Variants in NUP210 observed in about 807,000 individuals in gnomAD.
The protein encoded by NUP210 is nucleoporin 210.
NUP210 carries 151 observed loss-of-function variants against 196.0 expected under a neutral mutation model. The ratio of observed to expected loss-of-function variants is 0.77; its 90% CI spans 0.67 to 0.88. The LOEUF is 0.88. NUP210 is among the 40% of genes least tolerant of loss of function. NUP210 has a pLI of 0.00. For synonymous variants in NUP210, 1,070 were observed against 1,052.7 expected, an observed-to-expected ratio of 1.02 and a Z score of -0.32; for missense variants, 2,314 against 2,493.7, an observed-to-expected ratio of 0.93 and a Z score of 1.53.
rs369913505 is a variant in NUP210, at chr3:13,364,194, T to C, written c.1932+1752A>G. ...GTTTATGGTCATCTCTACCTCTCTT[T>C]GCCAGAATGTCACTTCATGGGGACA... On this transcript the variant is annotated intron_variant, in intron 14 of 39. Coordinates refer to ENST00000254508, the MANE Select transcript of NUP210 (RefSeq NM_024923.4). 2.8e-4 allele frequency among the ~76,000 whole-genome samples: 43 copies of C among 152,326 alleles called. 4 individuals carry two copies. Among genetic ancestry groups the C allele is most frequent in the South Asian group, 2.5e-3 (12 of 4,818 alleles).
intron 16 of NUP210, 128 bp from the exon 17 acceptor site, chr3:13,354,235 A>G: frequency 2.5e-6 from 2 of 788,022 alleles, no homozygotes; most frequent in East Asian, 2.7e-5. Context: ...GGAATGGGAT[A>G]TGCCAGAAAG....
chr3:13,388,182 G>T, intron 5 of NUP210, 121 bp downstream of exon 5: 1 of 692,350 alleles, frequency 1.4e-6, no homozygotes, highest in Non-Finnish European at 2.3e-6. Context: ...CTGAAATCAC[G>T]GGACAGCATC....
In NUP210 at chr3:13,325,929, G is replaced by C; in HGVS notation, c.4510C>G (p.Leu1504Val). The change falls in exon 33 of 40, where the codon CTC becomes GTC. Residue 1504 changes from leucine to valine, a missense_variant and splice_region_variant. By Grantham distance (32) the Leu-to-Val change is conservative. Coordinates refer to ENST00000254508, the MANE Select transcript of NUP210 (RefSeq NM_024923.4). ...LATVLTSLEG[L>V]SGTWSSSANS... The stretch of plus-strand genomic sequence containing the variant: ...GCCGAGGAGCTCCAGGTTCCTGAGA[G>C]GCCTGGAGAGGAAGCACAGGTGTCA... 6.2e-7 allele frequency: 1 copy of C among 1,613,902 alleles called. No individual in the cohort carries two copies. The highest frequency in any genetic ancestry group is 8.5e-7 in the Non-Finnish European group (1 of 1,179,982).
rs138477497 is a variant in NUP210 at position 13,319,971 on chromosome 3, G to A, written c.5175C>T (p.Ser1725=). ...CGAATGCCAGCACGGCCGGGGACCC[G>A]GATTTCACCTGGAAGAGACATCAGA... ...PEVLENLEVK[S]GSPAVLAFAK... The change falls in exon 37 of 40, where the codon TCC becomes TCT. Residue 1725 remains serine, a synonymous_variant. Coordinates refer to ENST00000254508, the MANE Select transcript of NUP210 (RefSeq NM_024923.4). 5.1e-5 allele frequency: 82 copies of A among 1,613,470 alleles called. 1 individual carries two copies. The Admixed American group carries it at 1.1e-3, about 21-fold the overall frequency.
rs1698880585 is a variant in NUP210 at position 13,375,696 on chromosome 3, T to C, written c.1294-55A>G. On this transcript the variant is annotated intron_variant, in intron 10 of 39. Coordinates refer to ENST00000254508, the MANE Select transcript of NUP210 (RefSeq NM_024923.4). ...CATGACAACCATGTCATCATCAGTC[T>C]TTCCCAGTCACCGGACCCCCACCCC... is the stretch of plus-strand genomic sequence containing the variant. 3.2e-6 allele frequency: 5 copies of C among 1,575,202 alleles called. No homozygotes were observed. The Admixed American group carries it at 5.2e-5, about 16-fold the overall frequency.
rs9823775 is a variant in NUP210 at position 13,386,468 on chromosome 3, G to A, written c.685-61C>T. ...GGACAGGGAATGGGGAAGTGGTGGT[G>A]TGAGCAAGAGAAAGAGATGTTTTAA... On this transcript the variant is annotated intron_variant, in intron 5 of 39. Coordinates refer to ENST00000254508, the MANE Select transcript of NUP210 (RefSeq NM_024923.4). 1.9e-3 allele frequency: 2,979 copies of A among 1,584,126 alleles called. 43 individuals carry two copies. The African/African-American group carries it at 0.034, about 18-fold the overall frequency.
At chr3:13,374,417 C>T (rs1382008261) in intron 11 of NUP210, among the ~76,000 whole-genome samples, 1 of 152,174 alleles carries the variant, frequency 6.6e-6, no homozygotes, top group African/African-American at 2.4e-5. Context: ...CTCTAAAACA[C>T]CTGTGGCCAC....
chr3:13,342,036 C>T lies in NUP210; in HGVS notation c.3052G>A (p.Asp1018Asn). 3 of 1,614,134 alleles carry T rather than the reference C, an allele frequency of 1.9e-6. No individual in the cohort carries two copies. The South Asian group carries it at 3.3e-5, about 18-fold the overall frequency. Residue 1018 changes from aspartate (D) to asparagine (N), a missense_variant, in exon 22 of 40, where the codon GAC (aspartate) becomes AAC (asparagine). Asp to Asn is a conservative substitution (Grantham distance 23, BLOSUM62 1). Coordinates refer to ENST00000254508, the MANE Select transcript of NUP210 (RefSeq NM_024923.4). ...GGGGAGGCTGCTCGGAGCTTCAGGT[C>T]CATAAAGGGGAAGTATTTGGCAAGG... is the stretch of plus-strand genomic sequence containing the variant. ...PFLAKYFPFMDLKLRAASPII... is the reference protein window; with the variant it reads ...PFLAKYFPFMNLKLRAASPII...
chr3:13,332,324 G>A lies in NUP210; in HGVS notation c.3904C>T (p.Pro1302Ser), dbSNP rs1176191422. Residue 1302 changes from proline (P) to serine (S), a missense_variant, in exon 29 of 40, where the codon CCC becomes TCC. Coordinates refer to ENST00000254508, the MANE Select transcript of NUP210 (RefSeq NM_024923.4). Reference sequence around the variant, plus strand: ...GTCTGCAGCTTTATATATGAGTTGGGCGACATTAATATTTGTTCTGCTTCT... The same window carrying A: ...GTCTGCAGCTTTATATATGAGTTGGACGACATTAATATTTGTTCTGCTTCT... ...EIEAEQILMS[P>S]NSYIKLQTNR... The A allele has an allele frequency of 1.2e-6, 2 of 1,613,842 alleles. No homozygotes were observed. Among genetic ancestry groups the A allele is most frequent in the East Asian group, 2.2e-5 (1 of 44,878 alleles).
chr3:13,417,087 T>C (rs187983980), intron 1 of NUP210, among the ~76,000 whole-genome samples: 2 of 152,180 alleles, frequency 1.3e-5, no homozygotes, highest in East Asian at 3.9e-4. Flanking sequence ...CTGGGTGCAG[T>C]TGGAGAGAAT....
chr3:13,357,016 T>C (rs1425568952), intron 16 of NUP210, among the ~76,000 whole-genome samples: 1 of 152,242 alleles, frequency 6.6e-6, no homozygotes, highest in Non-Finnish European at 1.5e-5. Context: ...TGGGGTTGAA[T>C]TGACTGTCCC....
chr3:13,391,185 C>T (rs751486235), intron 4 of NUP210, 26 bp downstream of exon 4: 4 of 1,556,814 alleles, frequency 2.6e-6, no homozygotes. Context: ...TTCAAAGGGG[C>T]CAGGCCTAGC....
intron 3 of NUP210, 22 bp from the exon 4 acceptor site, chr3:13,391,329 GCAGA>G: frequency 6.6e-7 from 1 of 1,521,054 alleles, no homozygotes; most frequent in Non-Finnish European, 9.0e-7. Context: ...GATGGGAGAG[GCAGA>G]CAGATATGGA....
chr3:13,321,403 C>G (rs1054348862), intron 36 of NUP210, among the ~76,000 whole-genome samples, 182 bp downstream of exon 36: 3 of 152,206 alleles, frequency 2.0e-5, no homozygotes, highest in Non-Finnish European at 2.9e-5. Context: ...AATCACGCAG[C>G]CTGAGAGACA....
At position 13,321,472 on chromosome 3, in the gene NUP210, A is replaced by C. The variant is rs1020126876; in HGVS notation, c.5166+113T>G. 3.4e-6 allele frequency: 4 copies of C among 1,185,008 alleles called. No homozygotes were observed. In the African/African-American group the frequency reaches 4.6e-5, roughly 14 times the overall value. The allele number at this position is 1,185,008 out of a possible 1,614,324, so 73.4% of individuals were successfully genotyped here. ...CAATTTAAAAATTCTAATTGTAAAA[A>C]TAAATTTTAAAGAGAGCTGGCCCAG... On this transcript the variant is annotated intron_variant, in intron 36 of 39. Coordinates refer to ENST00000254508, the MANE Select transcript of NUP210 (RefSeq NM_024923.4).
chr3:13,361,447 A>G (rs748609819), intron 14 of NUP210, among the ~76,000 whole-genome samples: 1 of 152,136 alleles, frequency 6.6e-6, no homozygotes, highest in African/African-American at 2.4e-5. Context: ...CTTAGATTCT[A>G]TGTAACAGGG....
chr3:13,324,409 G>A (rs1696661563), intron 33 of NUP210, among the ~76,000 whole-genome samples: 1 of 152,182 alleles, frequency 6.6e-6, no homozygotes, highest in Admixed American at 6.5e-5. Context: ...CACCCACCCA[G>A]GTGTGCCTCC....
rs1282398713 is a variant in NUP210 at position 13,323,364 on chromosome 3, C to G, written c.4713G>C (p.Glu1571Asp). Reference protein sequence around the residue: ...HLHPIQTSFQEATASKVIVAV... With the variant: ...HLHPIQTSFQDATASKVIVAV... The stretch of plus-strand genomic sequence containing the variant: ...CAACAATCACTTTGGAGGCTGTAGC[C>G]TCCTGGAAGCTGGTCTGGATGGGGT... Residue 1571 changes from glutamate to aspartate, a missense_variant, in exon 34 of 40, where the codon GAG becomes GAC. Physicochemically the swap from Glu to Asp is conservative, Grantham distance 45. Coordinates refer to ENST00000254508, the MANE Select transcript of NUP210 (RefSeq NM_024923.4). The surrounding 1 kb of genome is among the most constrained non-coding windows in gnomAD (Gnocchi z 4.3). 2.5e-6 allele frequency: 4 copies of G among 1,614,054 alleles called. No individual in the cohort carries two copies. The Admixed American group carries it at 6.7e-5, about 27-fold the overall frequency.
At chr3:13,385,874 A>C (rs1421222420) in intron 6 of NUP210, among the ~76,000 whole-genome samples, 1 of 152,242 alleles carries the variant, frequency 6.6e-6, no homozygotes, top group Non-Finnish European at 1.5e-5. Context: ...AGGGAAGGGA[A>C]TTCCAACCCT....
Sources: gnomAD v4.1 joint callset for allele counts (sites outside exome capture counted in the v4.1 genomes callset) on GRCh38, gnomAD v4.1.1 for gene constraint, Gnocchi (gnomAD v3.1) non-coding constraint, MANE v1.5 for transcripts, NCBI Gene and HGNC (gene_info 2026-07-23, HGNC 2026-07-21) for gene names.